GNB1: variants seen among roughly 807,000 people sequenced by gnomAD.
The protein encoded by GNB1 is guanine nucleotide-binding protein G(I)/G(S)/G(T) subunit beta-1.
GNB1 carries 2 observed loss-of-function variants against 42.9 expected under a neutral mutation model. The observed-to-expected ratio is 0.05, with a 90% CI of 0.02 to 0.15. The LOEUF is 0.15. Ranked by LOEUF, GNB1 falls within the 10% of genes least tolerant of loss-of-function variation. The pLI, the probability that GNB1 is intolerant of heterozygous loss-of-function variation, is 1.00. For missense variants in GNB1, 193 were observed against 462.2 expected, an observed-to-expected ratio of 0.42 and a Z score of 5.34; for synonymous variants, 183 against 174.7, an observed-to-expected ratio of 1.05 and a Z score of -0.38.
rs1646415473 is a variant in GNB1, at chr1:1,786,991, A to G, written c.*72T>C. 1 of 202,006 alleles carries G rather than the reference A, an allele frequency of 5.0e-6. No individual in the cohort carries two copies. The highest frequency in any genetic ancestry group is 6.0e-5 in the Admixed American group (1 of 16,690). 12.5% of individuals were successfully genotyped at this position (202,006 alleles called of 1,614,324 possible). A position where few individuals can be genotyped will look rare whatever the true frequency, so the allele number is the denominator to read the frequency against. On this transcript the variant is annotated 3_prime_UTR_variant, in exon 12 of 12. Coordinates refer to ENST00000378609, the MANE Select transcript of GNB1 (RefSeq NM_002074.5). ...GTCCACGTTAGTACGGTTGGATAGG[A>G]TATGCTCTCATGGTAACGCGTCCAA...
chr1:1,884,799 C>T (rs1179982471), intron 1 of GNB1, among the ~76,000 whole-genome samples: 1 of 151,944 alleles, frequency 6.6e-6, no homozygotes, highest in Non-Finnish European at 1.5e-5. Context: ...TCTCCTGCCT[C>T]AGCCTCCCAA....
intron 1 of GNB1, among the ~76,000 whole-genome samples, chr1:1,879,983 G>A (rs904834002): frequency 1.3e-5 from 2 of 152,090 alleles, no homozygotes; most frequent in East Asian, 1.9e-4. Context: ...CCAGGCTGGA[G>A]TGCCATGGTG....
At chr1:1,829,138 C>T (rs1647041098) in intron 2 of GNB1, among the ~76,000 whole-genome samples, 1 of 152,152 alleles carries the variant, frequency 6.6e-6, no homozygotes. Flanking sequence ...CTCACTGCAA[C>T]CTCTGCCTCC....
rs77027087 is a variant in GNB1 at position 1,793,280 on chromosome 1, G to A, written c.462C>T (p.Asp154=). The change falls in exon 8 of 12, where the codon GAC becomes GAT. Residue 154 remains aspartate (D), a synonymous_variant. Transcript: ENST00000378609. ...CTCCAGAGCTGGTGACGATCTGATTGTCATCCAGGAATCGGCAGCAGGACA... is the reference window on the plus strand; with the variant it reads ...CTCCAGAGCTGGTGACGATCTGATTATCATCCAGGAATCGGCAGCAGGACA... ...GYLSCCRFLD[D]NQIVTSSGDT... The A allele has an allele frequency of 2.9e-3, 4,733 of 1,613,392 alleles. 110 individuals are homozygous for A. The African/African-American group carries it at 0.055, about 19-fold the overall frequency.
chr1:1,812,738 T>C (rs2100815988), intron 5 of GNB1, among the ~76,000 whole-genome samples: 1 of 152,156 alleles, frequency 6.6e-6, no homozygotes, highest in East Asian at 1.9e-4. Context: ...TTCTTCCTTC[T>C]AATCCTGGGG....
intron 2 of GNB1, among the ~76,000 whole-genome samples, chr1:1,828,921 T>C (rs983403006): frequency 6.6e-6 from 1 of 152,014 alleles, no homozygotes; most frequent in Non-Finnish European, 1.5e-5. Flanking sequence ...ACAATTTTTG[T>C]TAGCAATAAA....
intron 1 of GNB1, among the ~76,000 whole-genome samples, chr1:1,852,564 G>A (rs999036418): frequency 3.3e-5 from 5 of 151,934 alleles, no homozygotes; most frequent in Admixed American, 6.6e-5. Context: ...GCATGGTGGT[G>A]CATACCTGTA....
chr1:1,798,756 G>A (rs967970470), intron 7 of GNB1, among the ~76,000 whole-genome samples: 14 of 152,188 alleles, frequency 9.2e-5, no homozygotes, highest in African/African-American at 2.9e-4. Context: ...AGGCTGGAGT[G>A]TAGTGGAGCG....
intron 1 of GNB1, among the ~76,000 whole-genome samples, chr1:1,854,500 T>C (rs1648158775): frequency 6.6e-6 from 1 of 151,888 alleles, no homozygotes; most frequent in Admixed American, 6.6e-5. Context: ...AAAAAAAAGG[T>C]AGAGGAAGGG....
At chr1:1,863,819 T>C (rs1282090904) in intron 1 of GNB1, among the ~76,000 whole-genome samples, 1 of 152,232 alleles carries the variant, frequency 6.6e-6, no homozygotes, top group Admixed American at 6.5e-5. Context: ...GTGTAGTATA[T>C]GGCAGCACAT....
intron 2 of GNB1, among the ~76,000 whole-genome samples, chr1:1,828,254 G>A (rs1254263308): frequency 6.6e-6 from 1 of 152,174 alleles, no homozygotes; most frequent in Non-Finnish European, 1.5e-5. Context: ...CTGGGAGGTG[G>A]AGGTTGCAGT....
chr1:1,869,922 G>A (rs1019331686), intron 1 of GNB1, among the ~76,000 whole-genome samples: 7 of 152,030 alleles, frequency 4.6e-5, no homozygotes, highest in Non-Finnish European at 8.8e-5. Flanking sequence ...GAGTGTAGTG[G>A]TACAATCTAG....
chr1:1,818,277 A>G (rs1339921514), intron 3 of GNB1: 2 of 148,970 alleles, frequency 1.3e-5, no homozygotes, highest in East Asian at 4.0e-4. Flanking sequence ...TAGGGTCAGG[A>G]AGGCTGTGGC....
chr1:1,845,828 C>CAT (rs1411633968), intron 1 of GNB1, among the ~76,000 whole-genome samples: 3 of 36,728 alleles, frequency 8.2e-5, no homozygotes, highest in Non-Finnish European at 2.2e-4. Flanking sequence ...AGTCCATACA[C>CAT]ACACACACAC....
chr1:1,791,927 T>G (rs1646486291), intron 8 of GNB1, among the ~76,000 whole-genome samples: 1 of 152,106 alleles, frequency 6.6e-6, no homozygotes. Context: ...CGAGGACACC[T>G]TATAATACCA....
chr1:1,886,644 A>C (rs1360085970), intron 1 of GNB1, among the ~76,000 whole-genome samples: 2 of 151,274 alleles, frequency 1.3e-5, no homozygotes, highest in Non-Finnish European at 2.9e-5. Context: ...CTACTTCATA[A>C]TCTCTCCAAC....
At chr1:1,832,334 C>T (rs945309078) in intron 2 of GNB1, 2 of 152,164 alleles carry the variant, frequency 1.3e-5, no homozygotes, top group African/African-American at 4.8e-5. Flanking sequence ...CCTCCGGTGC[C>T]GACGTCACGG....
At chr1:1,801,543 C>G (rs1047855325) in intron 7 of GNB1, among the ~76,000 whole-genome samples, 1 of 152,012 alleles carries the variant, frequency 6.6e-6, no homozygotes, top group Non-Finnish European at 1.5e-5. Context: ...ACTAGAGGAC[C>G]GCGAGACATT....
chr1:1,789,294 C>T (rs1347920235), intron 9 of GNB1, 25 bp from the exon 10 acceptor site: 12 of 1,334,752 alleles, frequency 9.0e-6, no homozygotes, highest in Middle Eastern at 1.8e-4. Flanking sequence ...CAAATCAAGA[C>T]ATCATGTAAA....
Sources: gnomAD v4.1 joint callset for allele counts (sites outside exome capture counted in the v4.1 genomes callset) on GRCh38, gnomAD v4.1.1 for gene constraint, MANE v1.5 for transcripts, NCBI Gene and HGNC (gene_info 2026-07-23, HGNC 2026-07-21) for gene names.